Variants in IP6K3 observed in about 807,000 individuals in gnomAD.
The protein encoded by IP6K3 is inositol hexakisphosphate kinase 3.
Under a neutral mutation model 28.8 loss-of-function variants are expected in IP6K3, and 20 were observed. That is an observed-to-expected ratio of 0.70 (90% CI 0.49 to 1.01). The LOEUF (loss-of-function observed/expected upper bound fraction) is 1.01, where lower values mean the gene tolerates loss of function less well. Among genes scored for constraint, IP6K3 ranks in the 50% least tolerant of loss-of-function variants. The pLI is 0.00. For synonymous variants in IP6K3, 213 were observed against 221.3 expected (o/e 0.96, Z 0.33); for missense variants, 480 against 537.1 (o/e 0.89, Z 1.05).
chr6:33,735,227 C>T (rs768784119), intron 2 of IP6K3, 51 bp downstream of exon 2: 33 of 1,512,928 alleles, frequency 2.2e-5, no homozygotes, highest in Middle Eastern at 1.7e-4. Flanking sequence ...TTGGATGAGC[C>T]GGCCCCCGTG....
At chr6:33,748,885 CCT>C (rs1268237640), upstream of IP6K3, among the ~76,000 whole-genome samples, 1 of 152,076 alleles carries the variant, frequency 6.6e-6, no homozygotes, top group Non-Finnish European at 1.5e-5. Context: ...CTCCCTGCCC[CCT>C]GACTCCCCCC....
chr6:33,746,532 T>C lies in IP6K3; in HGVS notation c.-180+226A>G, dbSNP rs1036392174. ...AGAGGAACAGATGCCAGAATTCCTA[T>C]ACACTGAACTGTCCCAACGCCCTAC... On this transcript the variant is annotated intron_variant, in intron 1 of 5. Transcript: ENST00000293756. This position sits in a 1 kb window ranked among gnomAD's most constrained non-coding sequence, Gnocchi z 6.5. 2.0e-5 allele frequency: 3 copies of C among 152,158 alleles called. No individual in the cohort carries two copies. Among genetic ancestry groups the C allele is most frequent in the African/African-American group, 7.2e-5 (3 of 41,388 alleles). 9.4% of individuals were successfully genotyped at this position (152,158 alleles called of 1,614,324 possible).
chr6:33,728,276 T>C lies in IP6K3; in HGVS notation c.224A>G (p.Lys75Arg). ...CAAGCTGAGATGGCCTGTGCTGTCT[T>C]TCCAGAGGTGCACTGTGACGGTACC... ...YKGTVTVHLWKDSTGHLSLVA... is the reference protein window; with the variant it reads ...YKGTVTVHLWRDSTGHLSLVA... Residue 75 changes from lysine to arginine, a missense_variant, in exon 3 of 6, where the codon AAA becomes AGA. Transcript: ENST00000293756. The C allele has an allele frequency of 6.2e-7, 1 of 1,614,168 alleles. No individual in the cohort carries two copies. The highest frequency in any genetic ancestry group is 8.5e-7 in the Non-Finnish European group (1 of 1,180,020).
rs1582192610 is a variant in IP6K3, at chr6:33,722,541, A to C, written c.*179T>G. 3 of 525,444 alleles carry C rather than the reference A, an allele frequency of 5.7e-6. No individual in the cohort carries two copies. Among genetic ancestry groups the C allele is most frequent in the South Asian group, 5.6e-5 (2 of 35,848 alleles). The allele number at this position is 525,444 out of a possible 1,614,324, so 32.5% of individuals were successfully genotyped here. A position where few individuals can be genotyped will look rare whatever the true frequency, so the allele number is the denominator to read the frequency against. The stretch of plus-strand genomic sequence containing the variant: ...GCATAATGCCAGGGGATGTGGAATC[A>C]CCTCCAGAGCTGATTTGTTCAGCAG... On this transcript the variant is annotated 3_prime_UTR_variant, in exon 6 of 6. Transcript: ENST00000293756.
intron 2 of IP6K3, 132 bp from the exon 3 acceptor site, chr6:33,728,432 C>T: frequency 1.3e-6 from 1 of 794,296 alleles, no homozygotes; most frequent in Non-Finnish European, 2.0e-6. Flanking sequence ...CAGCTCCTCT[C>T]TCAAGGAAGA....
At chr6:33,757,297 T>C in the IP6K3 span, among the ~76,000 whole-genome samples, 1 of 152,222 alleles carries the variant, frequency 6.6e-6, no homozygotes, top group South Asian at 2.1e-4. Flanking sequence ...CCATGTTTTA[T>C]CCTGATCAGC....
the IP6K3 span, among the ~76,000 whole-genome samples, chr6:33,760,152 CAT>C: frequency 8.4e-3 from 1,278 of 152,332 alleles, 23 homozygotes; most frequent in African/African-American, 0.026. Flanking sequence ...GCTGATGCTC[CAT>C]ATATACTCAC....
At chr6:33,762,030 G>C in the IP6K3 span, among the ~76,000 whole-genome samples, 6 of 152,200 alleles carry the variant, frequency 3.9e-5, no homozygotes, top group African/African-American at 1.4e-4. Flanking sequence ...CAGGCCCCAT[G>C]TTGGCCACAC....
rs1766758536 is a variant in IP6K3, at chr6:33,742,415, C to T, written c.-180+4343G>A. On this transcript the variant is annotated intron_variant, in intron 1 of 5. Transcript: ENST00000293756. This position sits in a 1 kb window ranked among gnomAD's most constrained non-coding sequence, Gnocchi z 4.5. The stretch of plus-strand genomic sequence containing the variant: ...CAGTAACCTGTGTCAGGATAGGGAG[C>T]TTTCAGAAGCTGCACCTGACTGGGC... Among the ~76,000 whole-genome samples the T allele has an allele frequency of 6.6e-6, 1 of 152,136 alleles. No homozygotes were observed. Among genetic ancestry groups the T allele is most frequent in the Non-Finnish European group, 1.5e-5 (1 of 68,012 alleles).
Position 33,722,427 on chromosome 6 carries a change from C to G in IP6K3, c.*293G>C. The G allele has an allele frequency of 4.0e-6, 1 of 251,064 alleles. No individual in the cohort carries two copies. 15.6% of individuals were successfully genotyped at this position (251,064 alleles called of 1,614,324 possible). On this transcript the variant is annotated 3_prime_UTR_variant, in exon 6 of 6. Transcript: ENST00000293756. ...CAAATATTCCAGAATGTCAGCAATG[C>G]TGGCCTCTAACTTGGGCTGCCCCCT...
intron 1 of IP6K3, among the ~76,000 whole-genome samples, chr6:33,738,160 G>T (rs897040479): frequency 6.6e-6 from 1 of 152,046 alleles, no homozygotes; most frequent in Non-Finnish European, 1.5e-5. Flanking sequence ...CTGTCCCCAG[G>T]CAGAGAAACT....
chr6:33,726,918 T>G lies in IP6K3; in HGVS notation c.414-12A>C. 1 of 1,589,374 alleles carries G rather than the reference T, an allele frequency of 6.3e-7. No homozygotes were observed. Among genetic ancestry groups the G allele is most frequent in the Non-Finnish European group, 8.6e-7 (1 of 1,162,456 alleles). On this transcript the variant is annotated splice_polypyrimidine_tract_variant and intron_variant, in intron 3 of 5. Coordinates refer to ENST00000293756, the MANE Select transcript of IP6K3 (RefSeq NM_054111.5). ...GAGCCTTGGCCGGGCTGCGGCGGAG[T>G]GGAGCACAGGACGGTCAGAGCAGAG...
In IP6K3 at chr6:33,722,689, C is replaced by A. The variant is rs1582192859; in HGVS notation, c.*31G>T. Reference sequence around the variant, plus strand: ...ACAGGTCTCTATTTGAGATCTATAGCCCAGAAGAATCCAGATAAGCCCAGG... The same window carrying A: ...ACAGGTCTCTATTTGAGATCTATAGACCAGAAGAATCCAGATAAGCCCAGG... On this transcript the variant is annotated 3_prime_UTR_variant, in exon 6 of 6. Transcript: ENST00000293756. 2.7e-6 allele frequency: 4 copies of A among 1,473,248 alleles called. No individual in the cohort carries two copies. The highest frequency in any genetic ancestry group is 3.6e-5 in the Admixed American group (2 of 55,698). The allele number at this position is 1,473,248 out of a possible 1,614,324, so 91.3% of individuals were successfully genotyped here.
chr6:33,734,365 A>G (rs965955895), intron 2 of IP6K3, among the ~76,000 whole-genome samples: 1 of 152,182 alleles, frequency 6.6e-6, no homozygotes, highest in African/African-American at 2.4e-5. Flanking sequence ...ATTGCACTTG[A>G]GAAACACCAG....
intron 1 of IP6K3, among the ~76,000 whole-genome samples, chr6:33,740,013 G>A (rs919249155): frequency 3.9e-5 from 6 of 152,338 alleles, no homozygotes; most frequent in African/African-American, 1.2e-4. Context: ...TCTCAGGACC[G>A]ACTTCCATGA....
chr6:33,726,934 C>A, intron 3 of IP6K3, 28 bp from the exon 4 acceptor site: 1 of 1,574,018 alleles, frequency 6.4e-7, no homozygotes, highest in South Asian at 1.1e-5. Flanking sequence ...ACAGGACGGT[C>A]AGAGCAGAGG....
At position 33,728,761 on chromosome 6, in the gene IP6K3, C is replaced by T. The variant is rs149589621; in HGVS notation, c.200-461G>A. 5.0e-3 allele frequency among the ~76,000 whole-genome samples: 765 copies of T among 152,270 alleles called. 6 individuals are homozygous for T. The highest frequency in any genetic ancestry group is 0.012 in the African/African-American group (507 of 41,566). On this transcript the variant is annotated intron_variant, in intron 2 of 5. Coordinates refer to ENST00000293756, the MANE Select transcript of IP6K3 (RefSeq NM_054111.5). The stretch of plus-strand genomic sequence containing the variant: ...AGTTGGGCCCATCCCATCCCTCCTC[C>T]GTGCCCTCTGCCTCCTGAGCACCCT...
Position 33,746,668 on chromosome 6 carries a change from G to C in IP6K3, c.-180+90C>G, listed in dbSNP as rs1391978696. 1 of 152,332 alleles carries C rather than the reference G, an allele frequency of 6.6e-6. No homozygotes were observed. Among genetic ancestry groups the C allele is most frequent in the African/African-American group, 2.4e-5 (1 of 41,428 alleles). 9.4% of individuals were successfully genotyped at this position (152,332 alleles called of 1,614,324 possible). A position where few individuals can be genotyped will look rare whatever the true frequency, so the allele number is the denominator to read the frequency against. Reference sequence around the variant, plus strand: ...AGACAAGACCCCAGGGTACAGACAGGCCCTGTGAACACGAGACCCTCTCTC... The same window carrying C: ...AGACAAGACCCCAGGGTACAGACAGCCCCTGTGAACACGAGACCCTCTCTC... On this transcript the variant is annotated intron_variant, in intron 1 of 5. Coordinates refer to ENST00000293756, the MANE Select transcript of IP6K3 (RefSeq NM_054111.5). The surrounding 1 kb of genome is among the most constrained non-coding windows in gnomAD (Gnocchi z 6.5).
At chr6:33,755,290 C>A in the IP6K3 span, among the ~76,000 whole-genome samples, 2 of 152,396 alleles carry the variant, frequency 1.3e-5, no homozygotes, top group East Asian at 1.9e-4. Flanking sequence ...CCCAGAGCTC[C>A]TCTGGTGCCC....
Sources: gnomAD v4.1 joint callset for allele counts (sites outside exome capture counted in the v4.1 genomes callset) on GRCh38, gnomAD v4.1.1 for gene constraint, Gnocchi (gnomAD v3.1) non-coding constraint, MANE v1.5 for transcripts, NCBI Gene and HGNC (gene_info 2026-07-23, HGNC 2026-07-21) for gene names.